The following TFEC variants were observed in gnomAD, a reference collection of about 807,000 sequenced individuals.
TFEC encodes the protein transcription factor EC, also known as class E basic helix-loop-helix protein 34.
A neutral mutation model predicts 41.6 loss-of-function variants in TFEC; 31 were observed. The ratio of observed to expected loss-of-function variants is 0.74; its 90% CI spans 0.56 to 1.01. The LOEUF (loss-of-function observed/expected upper bound fraction) is 1.01, where lower values mean the gene tolerates loss of function less well. TFEC is among the 50% of genes least tolerant of loss of function. The pLI, the probability that TFEC is intolerant of heterozygous loss-of-function variation, is 0.00. For missense variants in TFEC, 402 were observed against 404.1 expected, an observed-to-expected ratio of 0.99 and a Z score of 0.04; for synonymous variants, 143 against 140.6, an observed-to-expected ratio of 1.02 and a Z score of -0.12.
chr7:116,130,129 A>C (rs1490735266), intron 1 of TFEC, among the ~76,000 whole-genome samples: 1 of 151,530 alleles, frequency 6.6e-6, no homozygotes, highest in African/African-American at 2.4e-5. Flanking sequence ...CCAGATCTGA[A>C]GCCCCATCCA....
intron 1 of TFEC, among the ~76,000 whole-genome samples, chr7:116,029,646 TA>T (rs1474154143): frequency 6.6e-6 from 1 of 151,904 alleles, no homozygotes; most frequent in African/African-American, 2.4e-5. Context: ...CTTATATAAA[TA>T]TATATGAAAT....
chr7:116,117,477 C>T (rs1039809431), intron 1 of TFEC: 1 of 151,748 alleles, frequency 6.6e-6, no homozygotes, highest in Non-Finnish European at 1.5e-5. Context: ...TTAATGAGCT[C>T]TTACCATGTG....
chr7:116,075,466 G>T (rs1796936224), intron 3 of TFEC, among the ~76,000 whole-genome samples: 1 of 152,140 alleles, frequency 6.6e-6, no homozygotes, highest in Non-Finnish European at 1.5e-5. Flanking sequence ...CAACAGGGAG[G>T]CTCGTGGTCT....
Position 116,030,717 on chromosome 7 carries a change from G to A in TFEC, c.-157C>T. 6.1e-6 allele frequency: 6 copies of A among 985,364 alleles called. No homozygotes were observed. The highest frequency in any genetic ancestry group is 7.2e-6 in the Non-Finnish European group (6 of 829,924). The allele number at this position is 985,364 out of a possible 1,614,324, so 61.0% of individuals were successfully genotyped here. A position where few individuals can be genotyped will look rare whatever the true frequency, so the allele number is the denominator to read the frequency against. On this transcript the variant is annotated 5_prime_UTR_variant, in exon 1 of 8. Transcript: ENST00000265440. ...CCTCTTCCCATAACATATGCACCAT[G>A]CCAGAAGGGACAACCAAAGTAAACG... is the stretch of plus-strand genomic sequence containing the variant.
At chr7:115,972,011 A>G (rs1793155918) in intron 3 of TFEC, among the ~76,000 whole-genome samples, 1 of 152,086 alleles carries the variant, frequency 6.6e-6, no homozygotes. Flanking sequence ...TCTGAATCTA[A>G]CAAGTCTTTG....
intron 3 of TFEC, among the ~76,000 whole-genome samples, chr7:116,042,451 T>G (rs992910418): frequency 6.6e-6 from 1 of 152,190 alleles, no homozygotes; most frequent in African/African-American, 2.4e-5. Context: ...GTTGAGCTAA[T>G]GTTATTTAAT....
At chr7:116,036,689 C>T (rs1795919649) in intron 3 of TFEC, among the ~76,000 whole-genome samples, 1 of 151,966 alleles carries the variant, frequency 6.6e-6, no homozygotes, top group Non-Finnish European at 1.5e-5. Context: ...CTAGCCTTTA[C>T]CCTCAAGGAG....
chr7:115,960,203 A>T (rs76650003), intron 3 of TFEC, among the ~76,000 whole-genome samples: 19,267 of 151,554 alleles, frequency 0.13, 1,322 homozygotes, highest in Middle Eastern at 0.18. Context: ...AAGACTTTTC[A>T]GTAGCAAAAC....
At chr7:116,062,066 T>C (rs1263789764) in intron 3 of TFEC, among the ~76,000 whole-genome samples, 1 of 144,588 alleles carries the variant, frequency 6.9e-6, no homozygotes, top group African/African-American at 2.5e-5. Context: ...TGTACCATTC[T>C]TTTTTTTTTT....
chr7:116,157,899 G>A (rs1403823870), intron 1 of TFEC, among the ~76,000 whole-genome samples: 1 of 152,122 alleles, frequency 6.6e-6, no homozygotes, highest in Non-Finnish European at 1.5e-5. Context: ...GGACATGGCT[G>A]TACATTATTC....
intron 1 of TFEC, among the ~76,000 whole-genome samples, chr7:115,991,827 G>C (rs1383442836): frequency 6.6e-6 from 1 of 152,138 alleles, no homozygotes; most frequent in African/African-American, 2.4e-5. Context: ...GGATATCCAG[G>C]AATTGAACTC....
At chr7:116,032,238 A>G (rs1053460674), upstream of TFEC, among the ~76,000 whole-genome samples, 11 of 152,030 alleles carry the variant, frequency 7.2e-5, no homozygotes, top group Admixed American at 1.3e-4. Context: ...CTTTTTTTAC[A>G]TTTTTATCTA....
chr7:116,044,312 A>G (rs1475950254), intron 3 of TFEC, among the ~76,000 whole-genome samples: 1 of 152,158 alleles, frequency 6.6e-6, no homozygotes, highest in Non-Finnish European at 1.5e-5. Context: ...TCTAATTGAT[A>G]TTTTAAGGTA....
chr7:116,139,372 G>A (rs2116376245), intron 1 of TFEC, among the ~76,000 whole-genome samples: 1 of 152,268 alleles, frequency 6.6e-6, no homozygotes. Flanking sequence ...CCCGCACAGT[G>A]TCAGAACAAT....
At chr7:116,123,081 T>C (rs910308985) in intron 1 of TFEC, among the ~76,000 whole-genome samples, 4 of 152,118 alleles carry the variant, frequency 2.6e-5, no homozygotes, top group Non-Finnish European at 4.4e-5. Context: ...TCCATAGTTA[T>C]GAATGTTATA....
intron 3 of TFEC, among the ~76,000 whole-genome samples, chr7:116,073,000 A>T (rs901335003): frequency 2.6e-5 from 4 of 151,502 alleles, no homozygotes; most frequent in Admixed American, 1.3e-4. Context: ...AATTAATTAA[A>T]TAATTAAACA....
At chr7:116,144,737 CT>C (rs1159195760) in intron 1 of TFEC, among the ~76,000 whole-genome samples, 4 of 152,170 alleles carry the variant, frequency 2.6e-5, no homozygotes, top group Non-Finnish European at 5.9e-5. Flanking sequence ...AGTTGAAAGC[CT>C]TAAGAGTAAA....
intron 3 of TFEC, among the ~76,000 whole-genome samples, chr7:116,095,131 G>T (rs1797421103): frequency 6.6e-6 from 1 of 152,012 alleles, no homozygotes; most frequent in Non-Finnish European, 1.5e-5. Flanking sequence ...TATAATACAG[G>T]GCTGCTTACT....
intron 1 of TFEC, among the ~76,000 whole-genome samples, chr7:116,145,082 A>C (rs1798616103): frequency 6.6e-6 from 1 of 152,252 alleles, no homozygotes; most frequent in African/African-American, 2.4e-5. Context: ...ACTGTATTCT[A>C]TAACAATCAC....
Sources: gnomAD v4.1 joint callset for allele counts (sites outside exome capture counted in the v4.1 genomes callset) on GRCh38, gnomAD v4.1.1 for gene constraint, MANE v1.5 for transcripts, NCBI Gene and HGNC (gene_info 2026-07-23, HGNC 2026-07-21) for gene names.